The following TBC1D14 variants were observed in gnomAD, a reference collection of about 807,000 sequenced individuals.
TBC1D14 encodes the protein TBC1 domain family member 14.
In TBC1D14, 26 loss-of-function variants were observed where a neutral mutation model predicts 79.0. The observed-to-expected ratio is 0.33, with a 90% CI of 0.24 to 0.46. The LOEUF is 0.46. Among genes scored for constraint, TBC1D14 ranks in the 20% least tolerant of loss-of-function variants. TBC1D14 has a pLI of 1.00. For missense variants in TBC1D14, 769 were observed against 887.6 expected (o/e 0.87, Z 1.70); for synonymous variants, 394 against 349.9 (o/e 1.13, Z -1.40).
intron 3 of TBC1D14, among the ~76,000 whole-genome samples, chr4:6,980,751 T>A (rs558853002): frequency 6.6e-6 from 1 of 152,210 alleles, no homozygotes; most frequent in South Asian, 2.1e-4. Context: ...AGTCTCGCTT[T>A]GCCACCCAGG....
intron 13 of TBC1D14, among the ~76,000 whole-genome samples, chr4:7,028,113 A>G (rs184957891): frequency 2.5e-4 from 36 of 141,496 alleles, no homozygotes; most frequent in Non-Finnish European, 3.7e-4. Context: ...AGCCCCACAC[A>G]CACGTCACCC....
At chr4:6,985,539 A>C (rs901888856) in intron 3 of TBC1D14, among the ~76,000 whole-genome samples, 1 of 152,238 alleles carries the variant, frequency 6.6e-6, no homozygotes, top group Admixed American at 6.5e-5. Flanking sequence ...AAACCCAAAA[A>C]GAACTAGAGT....
At chr4:6,967,919 T>G (rs1462396118) in intron 3 of TBC1D14, among the ~76,000 whole-genome samples, 2 of 152,160 alleles carry the variant, frequency 1.3e-5, no homozygotes, top group African/African-American at 4.8e-5. Flanking sequence ...GGGATGGGGT[T>G]CATGCCAGGC....
Position 6,939,176 on chromosome 4 carries a change from G to A in TBC1D14, c.722+15065G>A, listed in dbSNP as rs188705652. Reference sequence around the variant, plus strand: ...TCCCACGTGTGAAATGCAGAGTTGCGTCAGGCGGTCTCGGCATCTTCCAGC... The same window carrying A: ...TCCCACGTGTGAAATGCAGAGTTGCATCAGGCGGTCTCGGCATCTTCCAGC... On this transcript the variant is annotated intron_variant, in intron 2 of 13. Transcript: ENST00000409757. Among the ~76,000 whole-genome samples, 366 of 152,284 alleles carry A rather than the reference G, an allele frequency of 2.4e-3. 3 individuals carry two copies. Among genetic ancestry groups the A allele is most frequent in the African/African-American group, 8.3e-3 (346 of 41,556 alleles).
At chr4:6,966,470 T>C (rs548718410) in intron 2 of TBC1D14, among the ~76,000 whole-genome samples, 2 of 152,352 alleles carry the variant, frequency 1.3e-5, no homozygotes, top group African/African-American at 4.8e-5. Flanking sequence ...TGAATACTCA[T>C]TATAAATAGG....
intron 2 of TBC1D14, among the ~76,000 whole-genome samples, chr4:6,950,353 C>T (rs755217979): frequency 6.6e-6 from 1 of 152,178 alleles, no homozygotes; most frequent in Non-Finnish European, 1.5e-5. Flanking sequence ...TGTAGAAAAT[C>T]GTCCTGTCTG....
chr4:6,916,758 G>A (rs1560238654), intron 1 of TBC1D14, among the ~76,000 whole-genome samples: 1 of 152,176 alleles, frequency 6.6e-6, no homozygotes. Flanking sequence ...CCTCTTATCC[G>A]TACTTCACAT....
At chr4:6,915,026 G>T (rs1215241823) in intron 1 of TBC1D14, among the ~76,000 whole-genome samples, 1 of 152,196 alleles carries the variant, frequency 6.6e-6, no homozygotes, top group East Asian at 1.9e-4. Context: ...GCGACAGAGT[G>T]AGACTCTGTC....
rs1053890587 is a variant in TBC1D14 at position 6,935,712 on chromosome 4, C to T, written c.722+11601C>T. On this transcript the variant is annotated intron_variant, in intron 2 of 13. Transcript: ENST00000409757. ...AGGCTGGAGTGCAGTGGTGTGATCT[C>T]GGCTCAATGCAGTCTCTGCCTCCCA... Among the ~76,000 whole-genome samples the T allele has an allele frequency of 4.6e-5, 7 of 150,972 alleles. No homozygotes were observed. In the East Asian group the frequency reaches 1.2e-3, roughly 25 times the overall value.
intron 3 of TBC1D14, chr4:6,987,239 C>A (rs938918758): frequency 3.2e-6 from 4 of 1,260,790 alleles, no homozygotes; most frequent in African/African-American, 1.6e-5. Context: ...TCTGAGGAGC[C>A]GCCGCGTCCG....
chr4:6,982,713 G>A (rs1577119036), intron 3 of TBC1D14, among the ~76,000 whole-genome samples: 1 of 152,278 alleles, frequency 6.6e-6, no homozygotes, highest in East Asian at 1.9e-4. Flanking sequence ...GGTATTGATC[G>A]CAGCACAAGT....
In TBC1D14 at chr4:7,007,746, C is replaced by A. The variant is rs558087800; in HGVS notation, c.1446+1020C>A. The stretch of plus-strand genomic sequence containing the variant: ...ATTTCAGCTTCTCTGCCCTTTTGCC[C>A]CAGTTCGTCTCCATAGGCCTCAGTG... On this transcript the variant is annotated intron_variant, in intron 9 of 13. Transcript: ENST00000409757. 1.6e-5 allele frequency: 8 copies of A among 503,342 alleles called. No homozygotes were observed. The East Asian group carries it at 5.0e-4, about 31-fold the overall frequency. 31.2% of individuals were successfully genotyped at this position (503,342 alleles called of 1,614,324 possible).
chr4:6,931,699 T>A (rs1711757895), intron 2 of TBC1D14, among the ~76,000 whole-genome samples: 1 of 152,150 alleles, frequency 6.6e-6, no homozygotes, highest in South Asian at 2.1e-4. Context: ...ACAACCATAA[T>A]GATCCATTTT....
At chr4:6,994,161 C>A in intron 3 of TBC1D14, 23 bp from the exon 4 acceptor site, 1 of 1,584,630 alleles carries the variant, frequency 6.3e-7, no homozygotes, top group South Asian at 1.1e-5. Context: ...GACCTGGAGT[C>A]ATCCCTGGTT....
intron 2 of TBC1D14, among the ~76,000 whole-genome samples, chr4:6,928,751 A>G (rs12512484): frequency 0.089 from 13,565 of 152,260 alleles, 781 homozygotes; most frequent in Middle Eastern, 0.16. Flanking sequence ...GTTTTCATTT[A>G]CATGTGAGGA....
In TBC1D14 at chr4:7,025,165, A is replaced by C; in HGVS notation, c.1919A>C (p.Gln640Pro). The C allele has an allele frequency of 1.2e-6, 2 of 1,614,224 alleles. No individual in the cohort carries two copies. Among genetic ancestry groups the C allele is most frequent in the Non-Finnish European group, 1.7e-6 (2 of 1,180,022 alleles). ...LTKMDFIHMA[Q>P]FLTRLPEDLP... is the part of the protein sequence containing the mutation. ...AAGATGGACTTCATTCACATGGCCC[A>C]GTTCCTGACCCGGCTGCCCGAGGAC... Residue 640 changes from glutamine (Q) to proline (P), a missense_variant, in exon 13 of 14, where the codon CAG (glutamine) becomes CCG (proline). Gln to Pro is a moderately conservative substitution (Grantham distance 76). Coordinates refer to ENST00000409757, the MANE Select transcript of TBC1D14 (RefSeq NM_020773.3).
chr4:7,002,600 G>T (rs944321462), intron 7 of TBC1D14, among the ~76,000 whole-genome samples: 1 of 152,138 alleles, frequency 6.6e-6, no homozygotes, highest in South Asian at 2.1e-4. Context: ...TGTGAACCGC[G>T]CAGTGTCAGT....
At chr4:7,001,075 G>A in intron 6 of TBC1D14, 70 bp from the exon 7 acceptor site, 2 of 1,365,416 alleles carry the variant, frequency 1.5e-6, no homozygotes, top group African/African-American at 1.4e-5. Context: ...GTGGTTCGGG[G>A]CTAGGCACGC....
intron 3 of TBC1D14, among the ~76,000 whole-genome samples, chr4:6,988,028 T>A (rs920203328): frequency 1.3e-5 from 2 of 152,212 alleles, no homozygotes; most frequent in African/African-American, 4.8e-5. Flanking sequence ...TCTCAGTGGC[T>A]TTACTTACTG....
Sources: allele counts gnomAD v4.1 joint callset (sites outside exome capture counted in the v4.1 genomes callset), GRCh38; gene constraint gnomAD v4.1.1; transcripts MANE v1.5; gene names NCBI Gene and HGNC (gene_info 2026-07-23, HGNC 2026-07-21).